CRACR2A: variants seen among roughly 807,000 people sequenced by gnomAD.
CRACR2A encodes calcium release activated channel regulator 2A.
CRACR2A carries 79 observed loss-of-function variants against 90.5 expected under a neutral mutation model. That is an observed-to-expected ratio of 0.87 (90% CI 0.73 to 1.05). The LOEUF (loss-of-function observed/expected upper bound fraction) is 1.05, where lower values mean the gene tolerates loss of function less well. Ranked by LOEUF, CRACR2A falls within the 50% of genes least tolerant of loss-of-function variation. The pLI is 0.00. For missense variants in CRACR2A, 823 were observed against 897.2 expected (o/e 0.92, Z 1.06); for synonymous variants, 338 against 356.7 (o/e 0.95, Z 0.59).
At chr12:3,674,473 A>G (rs1591677251) in intron 6 of CRACR2A, among the ~76,000 whole-genome samples, 1 of 152,340 alleles carries the variant, frequency 6.6e-6, no homozygotes, top group East Asian at 1.9e-4. Context: ...AAACTAAAAA[A>G]TCTGTGGCCA....
Position 3,713,246 on chromosome 12 carries a change from C to G in CRACR2A, c.-46G>C. The G allele has an allele frequency of 1.0e-6, 1 of 985,348 alleles. No homozygotes were observed. The highest frequency in any genetic ancestry group is 1.2e-6 in the Non-Finnish European group (1 of 829,964). 61.0% of individuals were successfully genotyped at this position (985,348 alleles called of 1,614,324 possible). On this transcript the variant is annotated 5_prime_UTR_variant, in exon 3 of 20. Coordinates refer to ENST00000440314, the MANE Select transcript of CRACR2A (RefSeq NM_001144958.2). ...TTGTTCGCTCACTCACCTTGCAGCT[C>G]CCGGCTCCTCGGAGGACCTGCAACT...
At chr12:3,622,105 C>T (rs150544994) in intron 17 of CRACR2A, among the ~76,000 whole-genome samples, 1 of 152,148 alleles carries the variant, frequency 6.6e-6, no homozygotes, top group Non-Finnish European at 1.5e-5. Flanking sequence ...AGGTTTTCAG[C>T]CTGCATACCA....
At chr12:3,702,073 T>C (rs907695374) in intron 3 of CRACR2A, among the ~76,000 whole-genome samples, 1 of 152,152 alleles carries the variant, frequency 6.6e-6, no homozygotes, top group East Asian at 1.9e-4. Flanking sequence ...CTTTTGATCA[T>C]CTCAATAGAT....
chr12:3,626,509 G>A (rs575580779), intron 17 of CRACR2A, among the ~76,000 whole-genome samples: 1 of 152,346 alleles, frequency 6.6e-6, no homozygotes, highest in Non-Finnish European at 1.5e-5. Context: ...TTGGAGCAGA[G>A]AGCTGAACAT....
At chr12:3,665,179 G>A (rs560393286) in intron 7 of CRACR2A, among the ~76,000 whole-genome samples, 11 of 152,382 alleles carry the variant, frequency 7.2e-5, no homozygotes, top group Non-Finnish European at 1.6e-4. Context: ...CTCAGTGGAA[G>A]AGAAGGACAA....
intron 3 of CRACR2A, among the ~76,000 whole-genome samples, chr12:3,709,087 C>A (rs1255644053): frequency 1.3e-5 from 2 of 152,186 alleles, no homozygotes; most frequent in Non-Finnish European, 2.9e-5. Context: ...AATGCACTGA[C>A]AATCTAGCAG....
intron 15 of CRACR2A, among the ~76,000 whole-genome samples, 184 bp from the exon 16 acceptor site, chr12:3,627,890 C>T (rs1412472995): frequency 6.6e-6 from 1 of 152,194 alleles, no homozygotes; most frequent in Non-Finnish European, 1.5e-5. Flanking sequence ...CATGGGACCT[C>T]AGCTCTGGTC....
At chr12:3,698,935 A>G (rs1945787343) in intron 3 of CRACR2A, among the ~76,000 whole-genome samples, 1 of 152,126 alleles carries the variant, frequency 6.6e-6, no homozygotes, top group Admixed American at 6.5e-5. Context: ...AGGTCTCTGC[A>G]CCCAAGAGGC....
At chr12:3,648,983 T>C (rs559188565) in intron 10 of CRACR2A, among the ~76,000 whole-genome samples, 1 of 151,486 alleles carries the variant, frequency 6.6e-6, no homozygotes, top group Non-Finnish European at 1.5e-5. Context: ...TGGTCCAGGC[T>C]CAAAAACCAA....
At chr12:3,621,159 ACT>A (rs1217004906) in intron 17 of CRACR2A, among the ~76,000 whole-genome samples, 1 of 152,158 alleles carries the variant, frequency 6.6e-6, no homozygotes, top group Non-Finnish European at 1.5e-5. Flanking sequence ...TGACATGGAA[ACT>A]CTGAAAATAT....
At chr12:3,705,839 G>T (rs1230391985) in intron 3 of CRACR2A, among the ~76,000 whole-genome samples, 1 of 152,144 alleles carries the variant, frequency 6.6e-6, no homozygotes, top group African/African-American at 2.4e-5. Context: ...CAGAAAAAAA[G>T]ACACTACAAT....
chr12:3,656,191 A>T, intron 9 of CRACR2A, 120 bp downstream of exon 9: 4 of 876,616 alleles, frequency 4.6e-6, no homozygotes, highest in Non-Finnish European at 7.3e-6. Flanking sequence ...GCGACTAAAT[A>T]GTTCTTCTCA....
chr12:3,643,180 A>G (rs1465296800), intron 12 of CRACR2A, among the ~76,000 whole-genome samples: 3 of 152,144 alleles, frequency 2.0e-5, no homozygotes, highest in Non-Finnish European at 4.4e-5. Context: ...TTGCTCTAAT[A>G]GTACACACAG....
chr12:3,712,861 G>T (rs1181129732), intron 3 of CRACR2A, among the ~76,000 whole-genome samples: 1 of 152,110 alleles, frequency 6.6e-6, no homozygotes, highest in African/African-American at 2.4e-5. Flanking sequence ...AACTGGCTCT[G>T]TGAGTGACCA....
rs568466359 is a variant in CRACR2A, at chr12:3,705,008, C to T, written c.-36-7973G>A. ...ATAAAGTGGAAGCCCTGCATGAGCTCGGCTGTCTCCCATTTGGATGAAGCC... is the reference window on the plus strand; with the variant it reads ...ATAAAGTGGAAGCCCTGCATGAGCTTGGCTGTCTCCCATTTGGATGAAGCC... On this transcript the variant is annotated intron_variant, in intron 3 of 19. Transcript: ENST00000440314. Among the ~76,000 whole-genome samples the T allele has an allele frequency of 9.2e-5, 14 of 152,282 alleles. No individual in the cohort carries two copies. The East Asian group carries it at 1.7e-3, about 19-fold the overall frequency.
Position 3,747,785 on chromosome 12 carries a change from T to C in CRACR2A, c.-387+5230A>G, listed in dbSNP as rs1230324747. Among the ~76,000 whole-genome samples the C allele has an allele frequency of 2.0e-5, 3 of 152,224 alleles. No individual in the cohort carries two copies. The South Asian group carries it at 6.2e-4, about 31-fold the overall frequency. ...GGCAGCCACACCCGCTGGTTCCAGC[T>C]TGTCCTGGTGCACCTGTAGCACGTG... On this transcript the variant is annotated intron_variant, in intron 1 of 19. Transcript: ENST00000440314.
intron 2 of CRACR2A, chr12:3,730,138 C>T (rs372016678): frequency 1.3e-5 from 2 of 152,208 alleles, no homozygotes; most frequent in East Asian, 3.9e-4. Context: ...AGAAGAATCG[C>T]TTTCATATTA....
intron 2 of CRACR2A, among the ~76,000 whole-genome samples, chr12:3,720,941 A>G (rs1946161065): frequency 6.6e-6 from 1 of 152,190 alleles, no homozygotes; most frequent in Non-Finnish European, 1.5e-5. Context: ...ACACAACCCC[A>G]TGCAGGATGC....
At chr12:3,676,780 C>T (rs938191594) in intron 6 of CRACR2A, among the ~76,000 whole-genome samples, 10 of 152,104 alleles carry the variant, frequency 6.6e-5, no homozygotes, top group Admixed American at 1.3e-4. Context: ...GACTGAGACA[C>T]GCCACCATGA....
Sources: allele counts gnomAD v4.1 joint callset (sites outside exome capture counted in the v4.1 genomes callset), GRCh38; gene constraint gnomAD v4.1.1; transcripts MANE v1.5; gene names NCBI Gene and HGNC (gene_info 2026-07-23, HGNC 2026-07-21).